Variants in SHCBP1L observed in about 807,000 individuals in gnomAD.
SHCBP1L encodes SHC binding and spindle associated 1 like, also known as testicular spindle-associated protein SHCBP1L.
In SHCBP1L, 67 loss-of-function variants were observed where a neutral mutation model predicts 62.5. That is an observed-to-expected ratio of 1.07 (90% confidence interval 0.88 to 1.31). The LOEUF (loss-of-function observed/expected upper bound fraction) is 1.31, where lower values mean the gene tolerates loss of function less well. Among genes scored for constraint, SHCBP1L ranks in the 40% most tolerant of loss-of-function variants. The probability of loss-of-function intolerance (pLI) is 0.00; values close to 1 mark genes in which losing one functional copy is unlikely to be tolerated. For missense variants in SHCBP1L, 823 were observed against 809.8 expected (o/e 1.02, Z -0.20); for synonymous variants, 284 against 289.4 (o/e 0.98, Z 0.19).
chr1:182,902,463 T>G (rs1408755072), intron 9 of SHCBP1L, among the ~76,000 whole-genome samples: 1 of 152,158 alleles, frequency 6.6e-6, no homozygotes, highest in Non-Finnish European at 1.5e-5. Flanking sequence ...TTGTAATCTA[T>G]TTGAGGAGAC....
chr1:182,952,441 GC>G lies in SHCBP1L; in HGVS notation c.405+287del, dbSNP rs1651805977. 4 of 384,266 alleles carry G rather than the reference GC, an allele frequency of 1.0e-5. No individual in the cohort carries two copies. In the East Asian group the frequency reaches 1.8e-4, roughly 17 times the overall value. The allele number at this position is 384,266 out of a possible 1,614,324, so 23.8% of individuals were successfully genotyped here. A position where few individuals can be genotyped will look rare whatever the true frequency, so the allele number is the denominator to read the frequency against. On this transcript the variant is annotated intron_variant, in intron 1 of 9. Transcript: ENST00000367547. ...AGATTCATGCCTGTGCAATGATAAG[GC>G]CAATATATCTTCATTTTTTAGGAGC...
intron 5 of SHCBP1L, among the ~76,000 whole-genome samples, chr1:182,930,594 T>TATATATAA (rs1196006204): frequency 4.0e-5 from 4 of 99,896 alleles, no homozygotes; most frequent in South Asian, 3.2e-4. Context: ...TATATATATA[T>TATATATAA]ACACATATAT....
At chr1:182,943,935 C>T (rs1461842327) in intron 2 of SHCBP1L, among the ~76,000 whole-genome samples, 1 of 151,442 alleles carries the variant, frequency 6.6e-6, no homozygotes, top group African/African-American at 2.4e-5. Context: ...GCCTGGCCAA[C>T]GTGGTGAAAC....
intron 1 of SHCBP1L, among the ~76,000 whole-genome samples, chr1:182,952,225 TATATATATATACACAC>T (rs1453267294): frequency 4.8e-5 from 3 of 62,782 alleles, no homozygotes; most frequent in African/African-American, 1.8e-4. Context: ...TATATATATA[TATATATATATACACAC>T]ACACACACAC....
chr1:182,925,061 G>A (rs949536951), intron 6 of SHCBP1L, among the ~76,000 whole-genome samples: 5 of 147,166 alleles, frequency 3.4e-5, no homozygotes, highest in Non-Finnish European at 4.5e-5. Context: ...AGGGAAGGAA[G>A]GGAAGGAAGG....
At chr1:182,904,766 C>T (rs1649960112) in intron 7 of SHCBP1L, among the ~76,000 whole-genome samples, 1 of 150,550 alleles carries the variant, frequency 6.6e-6, no homozygotes, top group Non-Finnish European at 1.5e-5. Flanking sequence ...TAATCTTTTT[C>T]TTTTTTTTTG....
intron 6 of SHCBP1L, among the ~76,000 whole-genome samples, chr1:182,927,082 A>ACTCTC (rs1650782636): frequency 2.1e-5 from 1 of 46,678 alleles, no homozygotes; most frequent in Non-Finnish European, 4.2e-5. Context: ...ATATATATAT[A>ACTCTC]TATATATATA....
In SHCBP1L at chr1:182,904,256, T is replaced by G. The variant is rs1389312258; in HGVS notation, c.1511A>C (p.Lys504Thr). ...GHMTLENCILKCEGTGVCVLT... is the reference protein window; with the variant it reads ...GHMTLENCILTCEGTGVCVLT... ...AACACACACTCCTGTTCCTTCACAT[T>G]TTAATATGCAGTTTTCTAGAGTCAT... The change falls in exon 8 of 10, where the codon AAA (lysine) becomes ACA (threonine). Residue 504 changes from lysine (K) to threonine (T), a missense_variant. Lys to Thr is a moderately conservative substitution (Grantham distance 78). Transcript: ENST00000367547. 6.2e-7 allele frequency: 1 copy of G among 1,614,144 alleles called. No individual in the cohort carries two copies. Among genetic ancestry groups the G allele is most frequent in the South Asian group, 1.1e-5 (1 of 91,090 alleles).
chr1:182,931,718 G>A (rs1300450130), intron 5 of SHCBP1L, among the ~76,000 whole-genome samples: 3 of 152,036 alleles, frequency 2.0e-5, no homozygotes, highest in Admixed American at 6.6e-5. Context: ...TCAATATCTG[G>A]CACCAGAGTG....
At chr1:182,917,492 T>C (rs982925128) in intron 6 of SHCBP1L, among the ~76,000 whole-genome samples, 7 of 152,130 alleles carry the variant, frequency 4.6e-5, no homozygotes, top group Non-Finnish European at 8.8e-5. Flanking sequence ...GATCCACCCA[T>C]CTCGGCCTCC....
At position 182,952,530 on chromosome 1, in the gene SHCBP1L, C is replaced by T. The variant is rs900697299; in HGVS notation, c.405+199G>A. 13 of 585,316 alleles carry T rather than the reference C, an allele frequency of 2.2e-5. No homozygotes were observed. The African/African-American group carries it at 2.4e-4, about 11-fold the overall frequency. 36.3% of individuals were successfully genotyped at this position (585,316 alleles called of 1,614,324 possible). On this transcript the variant is annotated intron_variant, in intron 1 of 9. Coordinates refer to ENST00000367547, the MANE Select transcript of SHCBP1L (RefSeq NM_030933.4). ...GACGAATTTTGTCGGAAACTCGAAC[C>T]TTAACTCCTCTAGGGCAGGACGCGG...
At chr1:182,905,221 G>A (rs908079004) in intron 7 of SHCBP1L, among the ~76,000 whole-genome samples, 1 of 152,162 alleles carries the variant, frequency 6.6e-6, no homozygotes, top group Non-Finnish European at 1.5e-5. Flanking sequence ...AAAATGATGA[G>A]CATATTTTAA....
In SHCBP1L at chr1:182,924,719, A is replaced by G. The variant is rs1427423555; in HGVS notation, c.1182+4928T>C. ...AGGAAAGGAAGAAAGAAAGAAAGAAAGAAAGAAAGAAAGAAAGAAAGAAAG... is the reference window on the plus strand; with the variant it reads ...AGGAAAGGAAGAAAGAAAGAAAGAAGGAAAGAAAGAAAGAAAGAAAGAAAG... On this transcript the variant is annotated intron_variant, in intron 6 of 9. Coordinates refer to ENST00000367547, the MANE Select transcript of SHCBP1L (RefSeq NM_030933.4). Among the ~76,000 whole-genome samples the G allele has an allele frequency of 3.4e-4, 22 of 64,772 alleles. No individual in the cohort carries two copies. In the East Asian group the frequency reaches 6.8e-3, roughly 20 times the overall value. The allele number at this position is 64,772 out of a possible 152,430, so 42.5% of individuals were successfully genotyped here.
chr1:182,938,834 C>G (rs1472922265), intron 5 of SHCBP1L, among the ~76,000 whole-genome samples: 3 of 152,138 alleles, frequency 2.0e-5, no homozygotes, highest in African/African-American at 7.2e-5. Context: ...TCTTGCTACT[C>G]TTTTAGCTAT....
rs747726126 is a variant in SHCBP1L at position 182,900,155 on chromosome 1, G to T, written c.1790C>A (p.Pro597Gln). Residue 597 changes from proline to glutamine, a missense_variant, in exon 10 of 10, where the codon CCA becomes CAA. Physicochemically the swap from Pro to Gln is moderately conservative, Grantham distance 76. Coordinates refer to ENST00000367547, the MANE Select transcript of SHCBP1L (RefSeq NM_030933.4). The stretch of plus-strand genomic sequence containing the variant: ...TGCTACGATAAAAAACTGTTCCATT[G>T]GTTGAAGAATGCTTACTCCATAGCC... Reference protein sequence around the residue: ...NKGYGVSILQPMEQFFIVAEE... With the variant: ...NKGYGVSILQQMEQFFIVAEE... 4 of 1,612,008 alleles carry T rather than the reference G, an allele frequency of 2.5e-6. No homozygotes were observed. In the Admixed American group the frequency reaches 5.0e-5, roughly 20 times the overall value.
At chr1:182,932,734 A>T (rs1452844903) in intron 5 of SHCBP1L, among the ~76,000 whole-genome samples, 2 of 152,094 alleles carry the variant, frequency 1.3e-5, no homozygotes, top group African/African-American at 2.4e-5. Context: ...ACCTCAGGTG[A>T]TCTGCCCACT....
chr1:182,952,659 A>C lies in SHCBP1L; in HGVS notation c.405+70T>G, dbSNP rs1651817315. 4 of 1,499,610 alleles carry C rather than the reference A, an allele frequency of 2.7e-6. 1 individual carries two copies. The highest frequency in any genetic ancestry group is 1.4e-5 in the African/African-American group (1 of 70,014). 92.9% of individuals were successfully genotyped at this position (1,499,610 alleles called of 1,614,324 possible). On this transcript the variant is annotated intron_variant, in intron 1 of 9. Transcript: ENST00000367547. The stretch of plus-strand genomic sequence containing the variant: ...TGGATCCCCATCCGCCTAAGAGGGA[A>C]GCCCCAGATGCCTGTCCCCAGGTTC...
chr1:182,900,744 T>C (rs1649808139), intron 9 of SHCBP1L, among the ~76,000 whole-genome samples: 1 of 152,070 alleles, frequency 6.6e-6, no homozygotes, highest in South Asian at 2.1e-4. Flanking sequence ...AACAAAATAT[T>C]AAATGAGCCA....
chr1:182,929,621 A>G (rs1379683022), intron 6 of SHCBP1L, 26 bp downstream of exon 6: 1 of 1,447,542 alleles, frequency 6.9e-7, no homozygotes, highest in African/African-American at 1.5e-5. Context: ...TACTTAAATA[A>G]CAAATAAGAA....
Sources: gnomAD v4.1 joint callset for allele counts (sites outside exome capture counted in the v4.1 genomes callset) on GRCh38, gnomAD v4.1.1 for gene constraint, MANE v1.5 for transcripts, NCBI Gene and HGNC (gene_info 2026-07-23, HGNC 2026-07-21) for gene names.